Variants in PCDHGA10 observed in about 807,000 individuals in gnomAD.
The protein encoded by PCDHGA10 is protocadherin gamma-A10.
PCDHGA10 carries 42 observed loss-of-function variants against 59.5 expected under a neutral mutation model. The ratio of observed to expected loss-of-function variants is 0.71; its 90% CI spans 0.55 to 0.91. PCDHGA10 has a LOEUF of 0.91. Among genes scored for constraint, PCDHGA10 ranks in the 40% least tolerant of loss-of-function variants. PCDHGA10 has a pLI of 0.00. For synonymous variants in PCDHGA10, 511 were observed against 517.2 expected (o/e 0.99, Z 0.16); for missense variants, 1,111 against 1,198.2 (o/e 0.93, Z 1.07).
Position 141,476,036 on chromosome 5 carries a change from A to T in PCDHGA10, c.2437-18771A>T. ...ATGTCGGACTCGGCGCCCAGCGCCC[A>T]AGCGCTAACCCGCTGAAAGTTTCTC... On this transcript the variant is annotated intron_variant, in intron 1 of 3. Coordinates refer to ENST00000398610, the MANE Select transcript of PCDHGA10 (RefSeq NM_018913.3). This position sits in a 1 kb window ranked among gnomAD's most constrained non-coding sequence, Gnocchi z 7.6. 1.4e-6 allele frequency: 2 copies of T among 1,471,164 alleles called. No individual in the cohort carries two copies. The highest frequency in any genetic ancestry group is 1.8e-6 in the Non-Finnish European group (2 of 1,106,602). 91.1% of individuals were successfully genotyped at this position (1,471,164 alleles called of 1,614,324 possible).
In PCDHGA10 at chr5:141,509,418, A is replaced by G. The variant is rs767758113; in HGVS notation, c.2585-1529A>G. Among the ~76,000 whole-genome samples the G allele has an allele frequency of 2.6e-5, 4 of 152,188 alleles. No individual in the cohort carries two copies. The South Asian group carries it at 6.2e-4, about 24-fold the overall frequency. ...TCAGGGCCTCCAGCAGCGAGCCCCA[A>G]TGAGTCAAACTCTTGTTTCCTCCTC... On this transcript the variant is annotated intron_variant, in intron 3 of 3. Transcript: ENST00000398610.
rs2097504446 is a variant in PCDHGA10, at chr5:141,432,472, T to C, written c.2436+16861T>C. The C allele has an allele frequency of 9.9e-6, 16 of 1,614,012 alleles. No homozygotes were observed. Among genetic ancestry groups the C allele is most frequent in the Non-Finnish European group, 1.4e-5 (16 of 1,180,036 alleles). ...TGTACCCCGCCCTCCCCACGGACGG[T>C]TCCACTGGCGTGGAGCTGGCTCCCC... On this transcript the variant is annotated intron_variant, in intron 1 of 3. Transcript: ENST00000398610. This position sits in a 1 kb window ranked among gnomAD's most constrained non-coding sequence, Gnocchi z 6.0.
At chr5:141,430,946 G>A (rs2097328634) in intron 1 of PCDHGA10, 1 of 1,609,494 alleles carries the variant, frequency 6.2e-7, no homozygotes, top group Non-Finnish European at 8.5e-7. Flanking sequence ...CGCGGAGCGC[G>A]GAGTCCGCAT....
chr5:141,451,497 G>T (rs2098717489), intron 1 of PCDHGA10, among the ~76,000 whole-genome samples: 1 of 152,214 alleles, frequency 6.6e-6, no homozygotes, highest in Admixed American at 6.5e-5. Flanking sequence ...CCTCCATAGG[G>T]CAACCAGCTT....
Position 141,491,415 on chromosome 5 carries a change from G to GGGT in PCDHGA10, c.2437-3389_2437-3387dup. 1 of 1,614,126 alleles carries GGGT rather than the reference G, an allele frequency of 6.2e-7. No individual in the cohort carries two copies. Among genetic ancestry groups the GGGT allele is most frequent in the Non-Finnish European group, 8.5e-7 (1 of 1,180,034 alleles). ...TTCAGGGAAACGCAGACGGGGACGG[G>GGGT]GGTGGAGGGCAGTGCTGCAGGCGCC... On this transcript the variant is annotated intron_variant, in intron 1 of 3. Transcript: ENST00000398610. The surrounding 1 kb of genome is among the most constrained non-coding windows in gnomAD (Gnocchi z 6.9).
chr5:141,438,895 A>C (rs2098073582), intron 1 of PCDHGA10, among the ~76,000 whole-genome samples: 1 of 151,640 alleles, frequency 6.6e-6, no homozygotes, highest in Non-Finnish European at 1.5e-5. Flanking sequence ...TGAACTCCTG[A>C]CCTCAGGTGA....
At chr5:141,474,419 A>AT (rs1348108901) in intron 1 of PCDHGA10, among the ~76,000 whole-genome samples, 1 of 152,204 alleles carries the variant, frequency 6.6e-6, no homozygotes, top group Non-Finnish European at 1.5e-5. Context: ...TGCCTAGACC[A>AT]TTGGTCCTCA....
intron 3 of PCDHGA10, among the ~76,000 whole-genome samples, chr5:141,510,166 A>G (rs1280391099): frequency 6.6e-6 from 1 of 151,872 alleles, no homozygotes; most frequent in African/African-American, 2.4e-5. Flanking sequence ...TCAGCTACTC[A>G]GGAGGTTGAG....
rs539901154 is a variant in PCDHGA10, at chr5:141,413,036, T to C, written c.-140T>C. 238 of 805,778 alleles carry C rather than the reference T, an allele frequency of 3.0e-4. 1 individual carries two copies. Among genetic ancestry groups the C allele is most frequent in the Non-Finnish European group, 4.2e-4 (226 of 532,568 alleles). 49.9% of individuals were successfully genotyped at this position (805,778 alleles called of 1,614,324 possible). On this transcript the variant is annotated 5_prime_UTR_variant, in exon 1 of 4. Transcript: ENST00000398610. ...TACACAAGCCCCACAAACCGGCTGC[T>C]GGGCTGCAGGGAAGCTCACTCCAGA...
intron 1 of PCDHGA10, chr5:141,420,219 T>C: frequency 6.2e-7 from 1 of 1,607,100 alleles, no homozygotes. Flanking sequence ...GATAGCATGC[T>C]ACTGGCTAGC....
chr5:141,506,444 CAAAAAAAAAAAAA>C (rs1219684339), intron 3 of PCDHGA10, among the ~76,000 whole-genome samples: 1 of 95,030 alleles, frequency 1.1e-5, no homozygotes, highest in Non-Finnish European at 2.2e-5. Context: ...CGCTCTGTCT[CAAAAAAAAAAAAA>C]AAAAAAAAGA....
At position 141,485,343 on chromosome 5, in the gene PCDHGA10, A is replaced by G; in HGVS notation, c.2437-9464A>G. ...GCTCAAGATTTCCTGCTGGATACGG[A>G]CAGTCTGTCAGCTCGCAGGCTGCAG... On this transcript the variant is annotated intron_variant, in intron 1 of 3. Transcript: ENST00000398610. This position sits in a 1 kb window ranked among gnomAD's most constrained non-coding sequence, Gnocchi z 5.7. 1 of 1,614,062 alleles carries G rather than the reference A, an allele frequency of 6.2e-7. No homozygotes were observed. Among genetic ancestry groups the G allele is most frequent in the Non-Finnish European group, 8.5e-7 (1 of 1,179,984 alleles).
Position 141,490,027 on chromosome 5 carries a change from CG to C in PCDHGA10, c.2437-4779del. The C allele has an allele frequency of 6.2e-7, 1 of 1,614,214 alleles. No individual in the cohort carries two copies. Among genetic ancestry groups the C allele is most frequent in the Admixed American group, 1.7e-5 (1 of 60,032 alleles). On this transcript the variant is annotated intron_variant, in intron 1 of 3. Transcript: ENST00000398610. The surrounding 1 kb of genome is among the most constrained non-coding windows in gnomAD (Gnocchi z 5.4). Reference sequence around the variant, plus strand: ...TGCACCCATTGGTACTCTGCTGCTCCGCCTCAATGCCACTGATCCAGACGAG... The same window carrying C: ...TGCACCCATTGGTACTCTGCTGCTCCCCTCAATGCCACTGATCCAGACGAG...
In PCDHGA10 at chr5:141,491,144, TGGA is replaced by T. The variant is rs757881044; in HGVS notation, c.2437-3659_2437-3657del. ...GAGGTGCGCACAGCCCGGGCCTTAC[TGGA>T]GGATGACTCTGACACCCAGCAGGTG... On this transcript the variant is annotated intron_variant, in intron 1 of 3. Coordinates refer to ENST00000398610, the MANE Select transcript of PCDHGA10 (RefSeq NM_018913.3). This position sits in a 1 kb window ranked among gnomAD's most constrained non-coding sequence, Gnocchi z 6.9. The T allele has an allele frequency of 1.2e-6, 2 of 1,614,158 alleles. No individual in the cohort carries two copies. The highest frequency in any genetic ancestry group is 2.2e-5 in the South Asian group (2 of 91,086).
In PCDHGA10 at chr5:141,431,777, G is replaced by T. The variant is rs151011884; in HGVS notation, c.2436+16166G>T. 5,401 of 1,614,186 alleles carry T rather than the reference G, an allele frequency of 3.3e-3. 6 individuals are homozygous for T. Among genetic ancestry groups the T allele is most frequent in the Non-Finnish European group, 4.2e-3 (4,899 of 1,180,002 alleles). On this transcript the variant is annotated intron_variant, in intron 1 of 3. Coordinates refer to ENST00000398610, the MANE Select transcript of PCDHGA10 (RefSeq NM_018913.3). The surrounding 1 kb of genome is among the most constrained non-coding windows in gnomAD (Gnocchi z 4.8). ...CAAAGTCCTGATCACTGTTCTGGAC[G>T]TGAACGACAATGCCCCAGAAGTGGT...
In PCDHGA10 at chr5:141,505,496, T is replaced by C; in HGVS notation, c.2584+15T>C. 6.2e-7 allele frequency: 1 copy of C among 1,614,148 alleles called. No homozygotes were observed. The highest frequency in any genetic ancestry group is 8.5e-7 in the Non-Finnish European group (1 of 1,180,004). ...GTCCGCCAGTGGTAAGTGGTGTCAGTGTGTGTATGGAAGAGTGGGAGACCT... is the reference window on the plus strand; with the variant it reads ...GTCCGCCAGTGGTAAGTGGTGTCAGCGTGTGTATGGAAGAGTGGGAGACCT... On this transcript the variant is annotated intron_variant, in intron 3 of 3. Transcript: ENST00000398610.
At chr5:141,499,698 T>C (rs1312388510) in intron 2 of PCDHGA10, among the ~76,000 whole-genome samples, 2 of 149,810 alleles carry the variant, frequency 1.3e-5, no homozygotes, top group African/African-American at 2.5e-5. Context: ...ACTTTTTTTT[T>C]TTTTTTTTTT....
At chr5:141,422,302 G>A (rs749870505) in intron 1 of PCDHGA10, 2 of 1,549,012 alleles carry the variant, frequency 1.3e-6, no homozygotes, top group Admixed American at 4.3e-5. Flanking sequence ...TTCAATTCTG[G>A]AAAACTCTCC....
chr5:141,494,815 G>T lies in PCDHGA10; in HGVS notation c.2445G>T (p.Pro815=). The change falls in exon 2 of 4, where the codon CCG becomes CCT. Residue 815 remains proline, a synonymous_variant. Transcript: ENST00000398610. ...CTCTGTTTTCTCCACAGCAAGCCCC[G>T]CCCAACACGGACTGGCGTTTCTCTC... The part of the protein sequence containing the change: ...IEDTPLVPQA[P]PNTDWRFSQA... 1.2e-6 allele frequency: 2 copies of T among 1,613,976 alleles called. No individual in the cohort carries two copies. The highest frequency in any genetic ancestry group is 1.1e-5 in the South Asian group (1 of 91,072).
Sources: allele counts gnomAD v4.1 joint callset (sites outside exome capture counted in the v4.1 genomes callset), GRCh38; gene constraint gnomAD v4.1.1; non-coding constraint Gnocchi (gnomAD v3.1); transcripts MANE v1.5; gene names NCBI Gene and HGNC (gene_info 2026-07-23, HGNC 2026-07-21).